ABAT: variants seen among roughly 807,000 people sequenced by gnomAD.
ABAT encodes the protein 4-aminobutyrate aminotransferase, also known as 4-aminobutyrate aminotransferase, mitochondrial.
ABAT carries 45 observed loss-of-function variants against 64.6 expected under a neutral mutation model. The ratio of observed to expected loss-of-function variants is 0.70; its 90% CI spans 0.55 to 0.89. The LOEUF (loss-of-function observed/expected upper bound fraction) is 0.89, where lower values mean the gene tolerates loss of function less well. Ranked by LOEUF, ABAT falls within the 40% of genes least tolerant of loss-of-function variation. ABAT has a pLI of 0.00. For missense variants in ABAT, 633 were observed against 658.4 expected, an observed-to-expected ratio of 0.96 and a Z score of 0.42; for synonymous variants, 297 against 250.5, an observed-to-expected ratio of 1.19 and a Z score of -1.75.
chr16:8,782,763 A>G lies in ABAT; in HGVS notation c.*1333A>G, dbSNP rs17566580. ...GAACTTGATAGCCTGACAGCAGAGA[A>G]GTATTATTTGGTGGGGAGTCTGAGA... On this transcript the variant is annotated 3_prime_UTR_variant, in exon 16 of 16. Coordinates refer to ENST00000268251, the MANE Select transcript of ABAT (RefSeq NM_020686.6). The G allele has an allele frequency of 0.046, 7,059 of 152,312 alleles. 250 individuals are homozygous for G. The highest frequency in any genetic ancestry group is 0.12 in the Middle Eastern group (34 of 294). The allele number at this position is 152,312 out of a possible 1,614,324, so 9.4% of individuals were successfully genotyped here.
At chr16:8,720,012 C>G (rs150412746) in intron 1 of ABAT, among the ~76,000 whole-genome samples, 9 of 152,268 alleles carry the variant, frequency 5.9e-5, no homozygotes, top group African/African-American at 1.7e-4. Context: ...GGGACTTCAC[C>G]ATTTTAGCCA....
At chr16:8,778,367 C>T (rs537997916) in intron 14 of ABAT, among the ~76,000 whole-genome samples, 8 of 152,246 alleles carry the variant, frequency 5.3e-5, no homozygotes, top group South Asian at 2.1e-4. Flanking sequence ...TCGTGGCTGC[C>T]GGGAATCCTT....
intron 1 of ABAT, chr16:8,715,655 A>C: frequency 7.0e-6 from 1 of 142,074 alleles, no homozygotes; most frequent in African/African-American, 2.7e-5. Flanking sequence ...AAAAAAAAAA[A>C]ACAATTAAAG....
intron 1 of ABAT, among the ~76,000 whole-genome samples, chr16:8,732,559 A>T (rs1474572264): frequency 6.6e-6 from 1 of 151,630 alleles, no homozygotes; most frequent in Non-Finnish European, 1.5e-5. Context: ...GATCAACAGG[A>T]TCCCAAGGCA....
intron 2 of ABAT, among the ~76,000 whole-genome samples, chr16:8,739,905 T>C (rs895778314): frequency 6.6e-5 from 10 of 151,642 alleles, no homozygotes; most frequent in African/African-American, 2.2e-4. Context: ...TTTTGACTTA[T>C]TGATTTGGGA....
Position 8,714,788 on chromosome 16 carries a change from A to T in ABAT, c.-41-20911A>T, listed in dbSNP as rs1426573265. The T allele has an allele frequency of 2.6e-5, 4 of 152,540 alleles. No individual in the cohort carries two copies. In the East Asian group the frequency reaches 7.7e-4, roughly 29 times the overall value. The allele number at this position is 152,540 out of a possible 1,614,324, so 9.4% of individuals were successfully genotyped here. A position where few individuals can be genotyped will look rare whatever the true frequency, so the allele number is the denominator to read the frequency against. On this transcript the variant is annotated intron_variant, in intron 1 of 15. Coordinates refer to ENST00000268251, the MANE Select transcript of ABAT (RefSeq NM_020686.6). ...CACTGGGCACCCTGGCGGAGAGGAC[A>T]GAGCCGGAGACAAGGACTGGCCTCA... is the stretch of plus-strand genomic sequence containing the variant.
At chr16:8,678,070 C>T (rs934956561) in intron 1 of ABAT, among the ~76,000 whole-genome samples, 1 of 151,886 alleles carries the variant, frequency 6.6e-6, no homozygotes, top group South Asian at 2.1e-4. Flanking sequence ...CAAAAAAAAA[C>T]AAAATAAAAA....
At chr16:8,768,524 C>T (rs1050899198) in intron 10 of ABAT, among the ~76,000 whole-genome samples, 5 of 152,166 alleles carry the variant, frequency 3.3e-5, no homozygotes, top group African/African-American at 7.2e-5. Flanking sequence ...TGTGATTAAT[C>T]GCAATGCAAA....
intron 1 of ABAT, among the ~76,000 whole-genome samples, chr16:8,732,207 T>TTTTTTTTTTTTTTTTAA (rs2058744267): frequency 8.0e-6 from 1 of 124,360 alleles, no homozygotes; most frequent in Non-Finnish European, 1.7e-5. Context: ...TTTTTTTTTT[T>TTTTTTTTTTTTTTTTAA]TGTTTGTTTG....
Position 8,776,719 on chromosome 16 carries a change from TTTG to T in ABAT, c.1269+238_1269+240del, listed in dbSNP as rs1292738619. On this transcript the variant is annotated intron_variant, in intron 14 of 15. Coordinates refer to ENST00000268251, the MANE Select transcript of ABAT (RefSeq NM_020686.6). This position sits in a 1 kb window ranked among gnomAD's most constrained non-coding sequence, Gnocchi z 4.4. ...CCCTATTCCTGAACTCCTGGTTTTC[TTTG>T]TTGTTGTTTTTTTTAATTTATTTTT... Among the ~76,000 whole-genome samples the T allele has an allele frequency of 6.6e-6, 1 of 152,168 alleles. No individual in the cohort carries two copies. Among genetic ancestry groups the T allele is most frequent in the African/African-American group, 2.4e-5 (1 of 41,436 alleles).
chr16:8,752,295 T>TG (rs1297085672), intron 5 of ABAT, among the ~76,000 whole-genome samples: 2 of 152,154 alleles, frequency 1.3e-5, no homozygotes, highest in Non-Finnish European at 2.9e-5. Context: ...CCCCTTTGTG[T>TG]GGGAGTGGAA....
intron 1 of ABAT, among the ~76,000 whole-genome samples, chr16:8,695,416 T>C (rs1342504806): frequency 6.6e-6 from 1 of 152,214 alleles, no homozygotes; most frequent in African/African-American, 2.4e-5. Context: ...CTCTGCAGAA[T>C]CACCCCTAAG....
chr16:8,718,810 C>T (rs1316413543), intron 1 of ABAT, among the ~76,000 whole-genome samples: 1 of 152,190 alleles, frequency 6.6e-6, no homozygotes, highest in Non-Finnish European at 1.5e-5. Context: ...CAGATACCTG[C>T]ACACACAGGC....
intron 1 of ABAT, among the ~76,000 whole-genome samples, chr16:8,712,042 C>G (rs993208125): frequency 2.6e-5 from 4 of 151,756 alleles, no homozygotes; most frequent in Non-Finnish European, 4.4e-5. Flanking sequence ...ATCAGCCTGG[C>G]CAACATGGTG....
At position 8,732,789 on chromosome 16, in the gene ABAT, T is replaced by A. The variant is rs533424852; in HGVS notation, c.-41-2910T>A. On this transcript the variant is annotated intron_variant, in intron 1 of 15. Coordinates refer to ENST00000268251, the MANE Select transcript of ABAT (RefSeq NM_020686.6). ...GGCAGAGGGGCTCCTCACTTCCCAG[T>A]AGGGGCGGCCGGGCAGAGGCGCCCC... is the stretch of plus-strand genomic sequence containing the variant. Among the ~76,000 whole-genome samples, 120 of 147,268 alleles carry A rather than the reference T, an allele frequency of 8.1e-4. 1 individual carries two copies. The highest frequency in any genetic ancestry group is 1.0e-3 in the Non-Finnish European group (67 of 66,704).
Position 8,771,295 on chromosome 16 carries a change from C to CAA in ABAT, c.817-1472_817-1471dup, listed in dbSNP as rs1015688747. ...GGGCAACAAGAGTAAAACTCCATCT[C>CAA]AAAAAAAAAAAAAAGAAAACCAAGA... On this transcript the variant is annotated intron_variant, in intron 11 of 15. Transcript: ENST00000268251. 3.3e-3 allele frequency among the ~76,000 whole-genome samples: 409 copies of CAA among 122,094 alleles called. 2 individuals are homozygous for CAA. The highest frequency in any genetic ancestry group is 0.012 in the African/African-American group (387 of 32,428). 80.1% of individuals were successfully genotyped at this position (122,094 alleles called of 152,430 possible).
At chr16:8,778,209 G>A (rs1021282913) in intron 14 of ABAT, among the ~76,000 whole-genome samples, 3 of 152,164 alleles carry the variant, frequency 2.0e-5, no homozygotes, top group Non-Finnish European at 4.4e-5. Context: ...CTTGTCTGCT[G>A]TAAAAAATCA....
intron 1 of ABAT, among the ~76,000 whole-genome samples, chr16:8,712,464 A>T (rs1262311352): frequency 2.0e-5 from 3 of 152,118 alleles, no homozygotes; most frequent in Admixed American, 6.5e-5. Context: ...TGTGCATTGG[A>T]AAGTTTCATA....
At chr16:8,745,619 C>G (rs924899300) in intron 2 of ABAT, among the ~76,000 whole-genome samples, 2 of 151,988 alleles carry the variant, frequency 1.3e-5, no homozygotes, top group African/African-American at 2.4e-5. Flanking sequence ...ATCAACTGAG[C>G]CTTTGGAGGT....
Sources: allele counts gnomAD v4.1 joint callset (sites outside exome capture counted in the v4.1 genomes callset), GRCh38; gene constraint gnomAD v4.1.1; non-coding constraint Gnocchi (gnomAD v3.1); transcripts MANE v1.5; gene names NCBI Gene and HGNC (gene_info 2026-07-23, HGNC 2026-07-21).